The following UBA2 variants were observed in gnomAD, a reference collection of about 807,000 sequenced individuals.
The protein encoded by UBA2 is ubiquitin like modifier activating enzyme 2.
A neutral mutation model predicts 77.2 loss-of-function variants in UBA2; 11 were observed. The ratio of observed to expected loss-of-function variants is 0.14; its 90% CI spans 0.09 to 0.24. UBA2 has a LOEUF of 0.24. Among genes scored for constraint, UBA2 ranks in the 10% least tolerant of loss-of-function variants. The pLI, the probability that UBA2 is intolerant of heterozygous loss-of-function variation, is 1.00. For synonymous variants in UBA2, 278 were observed against 276.7 expected (o/e 1.00, Z -0.05); for missense variants, 487 against 781.7 (o/e 0.62, Z 4.50).
At chr19:34,446,755 C>T (rs1024603335) in intron 8 of UBA2, among the ~76,000 whole-genome samples, 4 of 151,890 alleles carry the variant, frequency 2.6e-5, no homozygotes, top group Admixed American at 6.6e-5. Context: ...ATTACAGGTC[C>T]GCCACTATGC....
At chr19:34,440,756 G>T (rs1568371250) in intron 6 of UBA2, among the ~76,000 whole-genome samples, 1 of 152,024 alleles carries the variant, frequency 6.6e-6, no homozygotes. Context: ...GCGAAATCCT[G>T]TCTCTATTAA....
chr19:34,439,711 T>C (rs1318265002), intron 6 of UBA2, among the ~76,000 whole-genome samples: 1 of 152,032 alleles, frequency 6.6e-6, no homozygotes, highest in African/African-American at 2.4e-5. Flanking sequence ...TCCCAGCTAC[T>C]TGGGAGGCCG....
chr19:34,435,432 A>G (rs1486984307), intron 5 of UBA2, among the ~76,000 whole-genome samples: 1 of 152,158 alleles, frequency 6.6e-6, no homozygotes, highest in African/African-American at 2.4e-5. Context: ...AACGTGCTCA[A>G]AAGACTATGG....
chr19:34,457,179 A>AAAATATATATATATATATAT (rs1262007864), intron 12 of UBA2, among the ~76,000 whole-genome samples: 25 of 53,200 alleles, frequency 4.7e-4, no homozygotes, highest in South Asian at 1.1e-3. Flanking sequence ...AAAAAAAAAA[A>AAAATATATATATATATATAT]ATATATATAT....
chr19:34,428,501 G>C lies in UBA2; in HGVS notation c.69G>C (p.Val23=), dbSNP rs781537032. 2 of 1,301,448 alleles carry C rather than the reference G, an allele frequency of 1.5e-6. No individual in the cohort carries two copies. The highest frequency in any genetic ancestry group is 2.0e-6 in the Non-Finnish European group (2 of 1,018,116). The allele number at this position is 1,301,448 out of a possible 1,614,324, so 80.6% of individuals were successfully genotyped here. A position where few individuals can be genotyped will look rare whatever the true frequency, so the allele number is the denominator to read the frequency against. ...TGGCCGGGGGCCGGGTGCTGGTGGT[G>C]GGGGCGGGCGGCATCGGCTGCGAGC... The part of the protein sequence containing the change: ...EAVAGGRVLV[V]GAGGIGCELL... The change falls in exon 1 of 17, where the codon GTG becomes GTC. Residue 23 remains valine, a synonymous_variant. Coordinates refer to ENST00000246548, the MANE Select transcript of UBA2 (RefSeq NM_005499.3).
At chr19:34,451,640 CG>C (rs1489724930) in intron 9 of UBA2, among the ~76,000 whole-genome samples, 6 of 150,082 alleles carry the variant, frequency 4.0e-5, no homozygotes, top group East Asian at 2.0e-4. Context: ...CTCCGCCTCC[CG>C]GGTTCGCGCC....
chr19:34,466,373 T>C (rs897542740), intron 15 of UBA2, among the ~76,000 whole-genome samples: 7 of 152,190 alleles, frequency 4.6e-5, no homozygotes, highest in East Asian at 1.9e-4. Context: ...GTAGAGGATG[T>C]AGAAATCTTT....
intron 5 of UBA2, among the ~76,000 whole-genome samples, chr19:34,436,130 AAC>A (rs1247072838): frequency 2.0e-5 from 3 of 151,870 alleles, no homozygotes; most frequent in Admixed American, 1.3e-4. Context: ...AAAAAAAAAA[AAC>A]CAAAAAATTC....
chr19:34,464,274 G>A, intron 15 of UBA2, 143 bp downstream of exon 15: 1 of 586,950 alleles, frequency 1.7e-6, no homozygotes, highest in Non-Finnish European at 3.0e-6. Flanking sequence ...TGGTCACTGA[G>A]TTCCGTGATG....
chr19:34,461,751 A>G (rs1043038303), intron 14 of UBA2, among the ~76,000 whole-genome samples: 14 of 152,230 alleles, frequency 9.2e-5, no homozygotes, highest in African/African-American at 2.9e-4. Context: ...CTTGGCTTGA[A>G]GTGCCTTGCA....
At chr19:34,428,630 G>T (rs571614438) in intron 1 of UBA2, 60 bp downstream of exon 1, 3 of 1,275,022 alleles carry the variant, frequency 2.4e-6, no homozygotes, top group Non-Finnish European at 3.0e-6. Flanking sequence ...GGGATTCGGG[G>T]GTTCCGGGGC....
intron 15 of UBA2, 74 bp from the exon 16 acceptor site, chr19:34,466,804 G>A: frequency 7.1e-7 from 1 of 1,405,412 alleles, no homozygotes; most frequent in Admixed American, 1.7e-5. Context: ...ATGCTTTGAG[G>A]AACAACAGGA....
intron 8 of UBA2, among the ~76,000 whole-genome samples, chr19:34,447,613 G>A (rs1379360919): frequency 6.6e-6 from 1 of 152,178 alleles, no homozygotes; most frequent in Non-Finnish European, 1.5e-5. Flanking sequence ...TTAAGTACAG[G>A]GGATTTAGTT....
intron 9 of UBA2, among the ~76,000 whole-genome samples, chr19:34,450,802 G>A (rs983883320): frequency 2.2e-5 from 3 of 138,104 alleles, no homozygotes; most frequent in Admixed American, 7.7e-5. Flanking sequence ...AGGCTGGAGC[G>A]CAGTGGCACG....
In UBA2 at chr19:34,454,544, C is replaced by G; in HGVS notation, c.1233C>G (p.Asp411Glu). 6.3e-7 allele frequency: 1 copy of G among 1,585,012 alleles called. No individual in the cohort carries two copies. The highest frequency in any genetic ancestry group is 8.6e-7 in the Non-Finnish European group (1 of 1,158,844). Residue 411 changes from aspartate to glutamate, a missense_variant, in exon 12 of 17, where the codon GAC becomes GAG. By Grantham distance (45) the Asp-to-Glu change is conservative. This residue lies in a region of UBA2 where 300 missense variants were observed against 454.3 expected (regional missense o/e 0.66). Coordinates refer to ENST00000246548, the MANE Select transcript of UBA2 (RefSeq NM_005499.3). ...EGLKILSGKI[D>E]QCRTIFLNKQ... ...TGAAGATTTTATCAGGAAAAATAGACCAGTGCAGAACAGTGAGTATTTCTG... is the reference window on the plus strand; with the variant it reads ...TGAAGATTTTATCAGGAAAAATAGAGCAGTGCAGAACAGTGAGTATTTCTG...
At chr19:34,438,854 C>A in intron 6 of UBA2, 88 bp downstream of exon 6, 1 of 1,506,040 alleles carries the variant, frequency 6.6e-7, no homozygotes, top group Non-Finnish European at 9.0e-7. Context: ...AGAGATTGAA[C>A]TCAGGATGTT....
intron 3 of UBA2, among the ~76,000 whole-genome samples, chr19:34,432,581 G>C (rs116957878): frequency 0.013 from 2,023 of 152,014 alleles, 16 homozygotes; most frequent in Middle Eastern, 0.031. Context: ...GTGTGAGATA[G>C]GGTTTTGCGC....
chr19:34,463,495 G>T (rs942784261), intron 14 of UBA2, among the ~76,000 whole-genome samples: 1 of 152,178 alleles, frequency 6.6e-6, no homozygotes, highest in Non-Finnish European at 1.5e-5. Flanking sequence ...TCCTTTGCTT[G>T]CAGATAGCTG....
At chr19:34,460,296 A>C (rs1326514329) in intron 13 of UBA2, among the ~76,000 whole-genome samples, 174 bp from the exon 14 acceptor site, 1 of 152,178 alleles carries the variant, frequency 6.6e-6, no homozygotes, top group Non-Finnish European at 1.5e-5. Flanking sequence ...GTGGGGATGG[A>C]ACTCAGGTGA....
Sources: gnomAD v4.1 joint callset for allele counts (sites outside exome capture counted in the v4.1 genomes callset) on GRCh38, gnomAD v4.1.1 for gene constraint, gnomAD v4.1.1 regional missense constraint, MANE v1.5 for transcripts, NCBI Gene and HGNC (gene_info 2026-07-23, HGNC 2026-07-21) for gene names.